The following FHL5 variants were observed in gnomAD, a reference collection of about 807,000 sequenced individuals.
FHL5 encodes four and a half LIM domains protein 5.
A neutral mutation model predicts 32.0 loss-of-function variants in FHL5; 33 were observed. That is an observed-to-expected ratio of 1.03 (90% CI 0.78 to 1.38). The LOEUF is 1.38. FHL5 is among the 40% of genes most tolerant of loss of function. FHL5 has a pLI of 0.00. For synonymous variants in FHL5, 114 were observed against 113.6 expected (o/e 1.00, Z -0.02); for missense variants, 336 against 343.9 (o/e 0.98, Z 0.18).
chr6:96,582,554 A>G (rs1051212818), intron 1 of FHL5, among the ~76,000 whole-genome samples: 4 of 151,778 alleles, frequency 2.6e-5, no homozygotes, highest in African/African-American at 9.7e-5. Flanking sequence ...TTTCTTCGTT[A>G]GTGTCCAGAG....
intron 1 of FHL5, among the ~76,000 whole-genome samples, chr6:96,585,566 A>G (rs905593528): frequency 2.0e-5 from 3 of 151,830 alleles, no homozygotes; most frequent in African/African-American, 7.3e-5. Context: ...AGTAATCTTA[A>G]AAAAAAACCC....
At chr6:96,588,000 C>T (rs1384659675) in intron 1 of FHL5, among the ~76,000 whole-genome samples, 1 of 152,140 alleles carries the variant, frequency 6.6e-6, no homozygotes, top group East Asian at 1.9e-4. Flanking sequence ...GACTTTTTTG[C>T]TATGGCTAGT....
intron 1 of FHL5, among the ~76,000 whole-genome samples, chr6:96,567,647 T>C (rs1770385692): frequency 6.6e-6 from 1 of 151,790 alleles, no homozygotes. Flanking sequence ...ATTTTTTGTG[T>C]CTTCTTCAAT....
intron 1 of FHL5, among the ~76,000 whole-genome samples, chr6:96,573,640 G>A (rs1770527640): frequency 1.4e-5 from 2 of 147,306 alleles, no homozygotes. Context: ...TCCTGCCTCA[G>A]CCTCCCTAGT....
At chr6:96,607,729 T>C (rs1326080450) in intron 4 of FHL5, among the ~76,000 whole-genome samples, 1 of 151,606 alleles carries the variant, frequency 6.6e-6, no homozygotes. Context: ...ACGTCTGTAA[T>C]CCCAACACTT....
In FHL5 at chr6:96,604,929, GGTCTCAA is replaced by G; in HGVS notation, c.334+7_334+13del. ...GCAAGAGGACCATCATGCCTGGTAG[GGTCTCAA>G]GGGGGCTCCTGTCTCTAACTGAAGC... On this transcript the variant is annotated splice_donor_region_variant and intron_variant, in intron 3 of 5. Coordinates refer to ENST00000450218, the MANE Select transcript of FHL5 (RefSeq NM_001322466.2). The G allele has an allele frequency of 6.3e-7, 1 of 1,585,470 alleles. No homozygotes were observed. The highest frequency in any genetic ancestry group is 8.6e-7 in the Non-Finnish European group (1 of 1,164,264).
At chr6:96,569,855 T>C (rs144683510) in intron 1 of FHL5, among the ~76,000 whole-genome samples, 1,828 of 146,888 alleles carry the variant, frequency 0.012, 44 homozygotes, top group African/African-American at 0.043. Flanking sequence ...ATTCAGCTAG[T>C]CTATATCTTT....
At chr6:96,587,319 G>C (rs1043013597) in intron 1 of FHL5, among the ~76,000 whole-genome samples, 4 of 152,066 alleles carry the variant, frequency 2.6e-5, no homozygotes, top group African/African-American at 9.7e-5. Flanking sequence ...GGTTCCTTCT[G>C]ACTTCCTTTT....
chr6:96,566,859 T>A (rs1192376173), intron 1 of FHL5, among the ~76,000 whole-genome samples: 1 of 152,084 alleles, frequency 6.6e-6, no homozygotes, highest in African/African-American at 2.4e-5. Context: ...TTATTTGCTA[T>A]TGAGCTCATT....
chr6:96,593,601 G>C (rs917407985), intron 1 of FHL5, among the ~76,000 whole-genome samples: 1 of 152,058 alleles, frequency 6.6e-6, no homozygotes, highest in Admixed American at 6.6e-5. Context: ...ACAATGATAA[G>C]CTTACCAGGC....
At chr6:96,605,008 C>T in intron 3 of FHL5, 84 bp downstream of exon 3, 1 of 988,162 alleles carries the variant, frequency 1.0e-6, no homozygotes, top group East Asian at 2.6e-5. Context: ...TGCAGCAGCT[C>T]CCAAAACCCT....
At chr6:96,606,543 G>A (rs971029130) in intron 4 of FHL5, among the ~76,000 whole-genome samples, 3 of 152,014 alleles carry the variant, frequency 2.0e-5, no homozygotes, top group Non-Finnish European at 4.4e-5. Flanking sequence ...GTAGAGACAG[G>A]GTTTCACCAT....
rs1411749999 is a variant in FHL5, at chr6:96,570,328, T to C, written c.-13+6973T>C. On this transcript the variant is annotated intron_variant, in intron 1 of 5. Coordinates refer to ENST00000450218, the MANE Select transcript of FHL5 (RefSeq NM_001322466.2). ...CTATTCTCTCCTCGCCTGTGAGGTT[T>C]CTGTAGCAAAATTTACTAGTCTAAT... Among the ~76,000 whole-genome samples the C allele has an allele frequency of 2.6e-5, 4 of 152,156 alleles. No individual in the cohort carries two copies. The East Asian group carries it at 7.7e-4, about 29-fold the overall frequency.
Position 96,615,831 on chromosome 6 carries a change from T to A in FHL5, c.*59T>A. 7.3e-7 allele frequency: 1 copy of A among 1,366,146 alleles called. No individual in the cohort carries two copies. The highest frequency in any genetic ancestry group is 9.9e-7 in the Non-Finnish European group (1 of 1,008,896). The allele number at this position is 1,366,146 out of a possible 1,614,324, so 84.6% of individuals were successfully genotyped here. On this transcript the variant is annotated 3_prime_UTR_variant, in exon 6 of 6. Coordinates refer to ENST00000450218, the MANE Select transcript of FHL5 (RefSeq NM_001322466.2). ...CCTTCGTTGTCACTAAAGCCAGAAC[T>A]CAGTTGCGGTCTTATTTTTGACTTA...
chr6:96,586,810 G>A (rs1179139605), intron 1 of FHL5, among the ~76,000 whole-genome samples: 1 of 152,138 alleles, frequency 6.6e-6, no homozygotes, highest in Non-Finnish European at 1.5e-5. Context: ...AAAATAAGAT[G>A]AGCAAACTTA....
intron 1 of FHL5, among the ~76,000 whole-genome samples, chr6:96,573,527 A>ATTTTTTT (rs553599471): frequency 5.3e-5 from 6 of 112,422 alleles, no homozygotes; most frequent in Admixed American, 9.4e-5. Context: ...AAATATTCTA[A>ATTTTTTT]TTTTTTTTTT....
intron 1 of FHL5, among the ~76,000 whole-genome samples, chr6:96,597,134 T>A (rs1430093013): frequency 6.6e-6 from 1 of 152,102 alleles, no homozygotes; most frequent in Non-Finnish European, 1.5e-5. Flanking sequence ...CAAGACTTCA[T>A]ACATGGTTGT....
At chr6:96,609,866 T>C (rs1451859576) in intron 4 of FHL5, among the ~76,000 whole-genome samples, 1 of 152,204 alleles carries the variant, frequency 6.6e-6, no homozygotes, top group Non-Finnish European at 1.5e-5. Flanking sequence ...CCCTCACTAG[T>C]TGCTCATCTG....
intron 5 of FHL5, among the ~76,000 whole-genome samples, chr6:96,612,056 A>T (rs945419507): frequency 6.6e-6 from 1 of 152,184 alleles, no homozygotes; most frequent in Non-Finnish European, 1.5e-5. Context: ...GTCCAATTGC[A>T]TGGGGCATGC....
Sources: allele counts gnomAD v4.1 joint callset (sites outside exome capture counted in the v4.1 genomes callset), GRCh38; gene constraint gnomAD v4.1.1; transcripts MANE v1.5; gene names NCBI Gene and HGNC (gene_info 2026-07-23, HGNC 2026-07-21).